DNAJC6: variants seen among roughly 807,000 people sequenced by gnomAD.
DNAJC6 encodes auxilin.
Under a neutral mutation model 110.0 loss-of-function variants are expected in DNAJC6, and 34 were observed. The observed-to-expected ratio is 0.31, with a 90% confidence interval of 0.24 to 0.41. DNAJC6 has a LOEUF of 0.41. DNAJC6 is among the 10% of genes least tolerant of loss of function. The pLI, the probability that DNAJC6 is intolerant of heterozygous loss-of-function variation, is 1.00. For missense variants in DNAJC6, 1,031 were observed against 1,207.8 expected, an observed-to-expected ratio of 0.85 and a Z score of 2.17; for synonymous variants, 406 against 437.2, an observed-to-expected ratio of 0.93 and a Z score of 0.89.
intron 1 of DNAJC6, among the ~76,000 whole-genome samples, chr1:65,283,797 C>G (rs911170363): frequency 1.3e-5 from 2 of 152,148 alleles, no homozygotes; most frequent in African/African-American, 4.8e-5. Flanking sequence ...CCAGTTTCTC[C>G]ATATCCTTGC....
chr1:65,277,631 G>T (rs1286523720), intron 1 of DNAJC6, among the ~76,000 whole-genome samples: 2 of 151,864 alleles, frequency 1.3e-5, no homozygotes, highest in South Asian at 2.1e-4. Context: ...TTCAAAGGGG[G>T]ACTTGACATG....
Position 65,312,042 on chromosome 1 carries a change from G to A in DNAJC6, c.193+2104G>A, listed in dbSNP as rs968197046. ...TCACTAAATCAGACTTTTTTAATAG[G>A]TGGAGAGAAGAATAATGGATTGCTT... On this transcript the variant is annotated intron_variant, in intron 1 of 18. Transcript: ENST00000371069. Among the ~76,000 whole-genome samples the A allele has an allele frequency of 2.6e-5, 4 of 152,144 alleles. No individual in the cohort carries two copies. In the South Asian group the frequency reaches 6.2e-4, roughly 24 times the overall value.
chr1:65,269,792 T>C (rs988794143), intron 1 of DNAJC6, among the ~76,000 whole-genome samples: 1 of 152,196 alleles, frequency 6.6e-6, no homozygotes, highest in African/African-American at 2.4e-5. Context: ...TATTGCTTTT[T>C]GGGCTACACA....
In DNAJC6 at chr1:65,364,610, GTTTGTTT is replaced by G; in HGVS notation, c.194-21_194-15del. 1 of 1,441,972 alleles carries G rather than the reference GTTTGTTT, an allele frequency of 6.9e-7. No homozygotes were observed. The highest frequency in any genetic ancestry group is 2.6e-5 in the East Asian group (1 of 38,622). The allele number at this position is 1,441,972 out of a possible 1,614,324, so 89.3% of individuals were successfully genotyped here. A position where few individuals can be genotyped will look rare whatever the true frequency, so the allele number is the denominator to read the frequency against. Reference sequence around the variant, plus strand: ...TTCTCTGCCATCACCATTTTTGTTTGTTTGTTTTTTTTTTTTTTTGGCAGGTGCCTCA... The same window carrying G: ...TTCTCTGCCATCACCATTTTTGTTTGTTTTTTTTTTTTGGCAGGTGCCTCA... On this transcript the variant is annotated intron_variant, in intron 1 of 18. Coordinates refer to ENST00000371069, the MANE Select transcript of DNAJC6 (RefSeq NM_001256864.2).
intron 1 of DNAJC6, among the ~76,000 whole-genome samples, chr1:65,311,585 A>G (rs572155195): frequency 6.6e-6 from 1 of 152,262 alleles, no homozygotes; most frequent in African/African-American, 2.4e-5. Flanking sequence ...AATCTGTGAT[A>G]TATCAAAGTG....
chr1:65,344,524 A>G (rs780649396), intron 1 of DNAJC6, among the ~76,000 whole-genome samples: 1 of 152,104 alleles, frequency 6.6e-6, no homozygotes, highest in Non-Finnish European at 1.5e-5. Flanking sequence ...TATTTGGCTT[A>G]GTTGTCATTG....
chr1:65,394,817 C>T, intron 12 of DNAJC6, 81 bp from the exon 13 acceptor site: 1 of 1,470,196 alleles, frequency 6.8e-7, no homozygotes, highest in Non-Finnish European at 9.1e-7. Context: ...CCACTGTTAG[C>T]CCTACAGGAA....
rs1013699847 is a variant in DNAJC6 at position 65,294,113 on chromosome 1, A to G, written c.-131+29181A>G. ...GACTTTGTGAAAAGGTTCAGAGAAA[A>G]TGATAATGGTTAAGACATATCAGCA... On this transcript the variant is annotated intron_variant, in intron 1 of 19. Coordinates refer to the DNAJC6 transcript ENST00000263441. 2.6e-5 allele frequency among the ~76,000 whole-genome samples: 4 copies of G among 152,252 alleles called. No individual in the cohort carries two copies. In the East Asian group the frequency reaches 7.7e-4, roughly 29 times the overall value.
At position 65,384,763 on chromosome 1, in the gene DNAJC6, A is replaced by G. The variant is rs537935555; in HGVS notation, c.800+437A>G. On this transcript the variant is annotated intron_variant, in intron 6 of 18. Transcript: ENST00000371069. ...GGGATTATGGGAGCTACAATTCAAG[A>G]TGAGATTTGGATGGGGACATAGCCA... 6.6e-5 allele frequency among the ~76,000 whole-genome samples: 10 copies of G among 152,098 alleles called. No individual in the cohort carries two copies. In the East Asian group the frequency reaches 1.9e-3, roughly 29 times the overall value.
chr1:65,360,130 T>C (rs1327941984), intron 1 of DNAJC6, among the ~76,000 whole-genome samples: 1 of 152,230 alleles, frequency 6.6e-6, no homozygotes, highest in Admixed American at 6.5e-5. Context: ...TTCTCTTAAC[T>C]AGCTGAGGCT....
chr1:65,312,001 T>C (rs1201881718), intron 1 of DNAJC6, among the ~76,000 whole-genome samples: 1 of 152,176 alleles, frequency 6.6e-6, no homozygotes, highest in African/African-American at 2.4e-5. Flanking sequence ...TCCTGGATTT[T>C]TGAGGATTGT....
chr1:65,390,551 A>C (rs1419129926), intron 11 of DNAJC6, among the ~76,000 whole-genome samples: 4 of 152,222 alleles, frequency 2.6e-5, no homozygotes, highest in African/African-American at 4.8e-5. Flanking sequence ...CCCATTGGCT[A>C]TCCTTGCTTT....
intron 4 of DNAJC6, among the ~76,000 whole-genome samples, chr1:65,378,665 G>A (rs1335275037): frequency 6.6e-6 from 1 of 152,248 alleles, no homozygotes; most frequent in East Asian, 1.9e-4. Flanking sequence ...GTCAGCCAGT[G>A]TGCTGTTGTA....
At chr1:65,388,223 A>G in intron 8 of DNAJC6, 113 bp from the exon 9 acceptor site, 1 of 912,056 alleles carries the variant, frequency 1.1e-6, no homozygotes, top group Non-Finnish European at 1.8e-6. Flanking sequence ...CATAGTAAAC[A>G]CAAATTCAGA....
chr1:65,362,417 G>GA (rs1231855778), intron 1 of DNAJC6, among the ~76,000 whole-genome samples: 1 of 151,940 alleles, frequency 6.6e-6, no homozygotes, highest in Non-Finnish European at 1.5e-5. Flanking sequence ...TGCAAGTTTT[G>GA]AAAAAGAATA....
intron 2 of DNAJC6, 34 bp downstream of exon 2, chr1:65,364,819 C>T: frequency 6.2e-7 from 1 of 1,608,414 alleles, no homozygotes. Context: ...TTTAGTGGAT[C>T]CCCATGCTCT....
chr1:65,274,086 A>G lies in DNAJC6; in HGVS notation c.-131+9154A>G, dbSNP rs1653589289. On this transcript the variant is annotated intron_variant, in intron 1 of 19. Transcript: ENST00000263441. Reference sequence around the variant, plus strand: ...TTCCATTATAATTTTAGATTTGTCTATTTTTCCTTTTATATTTGCCAATTT... The same window carrying G: ...TTCCATTATAATTTTAGATTTGTCTGTTTTTCCTTTTATATTTGCCAATTT... 4.6e-5 allele frequency among the ~76,000 whole-genome samples: 7 copies of G among 151,900 alleles called. No individual in the cohort carries two copies. The South Asian group carries it at 1.5e-3, about 32-fold the overall frequency.
chr1:65,368,515 T>G (rs1239077578), intron 4 of DNAJC6, among the ~76,000 whole-genome samples: 1 of 151,102 alleles, frequency 6.6e-6, no homozygotes, highest in Non-Finnish European at 1.5e-5. Flanking sequence ...TCTCTTTCCT[T>G]TCTCCTTCCG....
At chr1:65,330,655 G>C (rs10889544) in intron 1 of DNAJC6, among the ~76,000 whole-genome samples, 1 of 152,116 alleles carries the variant, frequency 6.6e-6, no homozygotes, top group African/African-American at 2.4e-5. Flanking sequence ...TTTTAGTAGA[G>C]ATAGGGTTTC....
Sources: allele counts gnomAD v4.1 joint callset (sites outside exome capture counted in the v4.1 genomes callset), GRCh38; gene constraint gnomAD v4.1.1; transcripts MANE v1.5; gene names NCBI Gene and HGNC (gene_info 2026-07-23, HGNC 2026-07-21).